Variants in KLRG1 observed in about 807,000 individuals in gnomAD.
KLRG1 encodes killer cell lectin like receptor G1, also known as killer cell lectin-like receptor subfamily G member 1.
A neutral mutation model predicts 21.8 loss-of-function variants in KLRG1; 16 were observed. The ratio of observed to expected loss-of-function variants is 0.73; its 90% CI spans 0.50 to 1.11. The LOEUF (loss-of-function observed/expected upper bound fraction) is 1.11. KLRG1 is among the 50% of genes most tolerant of loss of function. KLRG1 has a pLI of 0.00. For missense variants in KLRG1, 173 were observed against 218.3 expected (o/e 0.79, Z 1.31); for synonymous variants, 69 against 75.9 (o/e 0.91, Z 0.47).
At chr12:9,165,934 G>T in the KLRG1 span, 1 of 1,262,094 alleles carries the variant, frequency 7.9e-7, no homozygotes, top group South Asian at 1.5e-5. Flanking sequence ...CTATCCTAAA[G>T]AGGAAGAGGT....
At chr12:9,162,519 A>G in the KLRG1 span, 119 of 975,184 alleles carry the variant, frequency 1.2e-4, no homozygotes, top group Non-Finnish European at 1.8e-4. Flanking sequence ...GGGAGATAAA[A>G]TGAATGTGCA....
chr12:9,042,362 A>G, the KLRG1 span, among the ~76,000 whole-genome samples: 1 of 152,358 alleles, frequency 6.6e-6, no homozygotes, highest in East Asian at 1.9e-4. Context: ...AGAGCAAAAG[A>G]TCAAATTCAG....
intron 1 of KLRG1, among the ~76,000 whole-genome samples, chr12:8,960,936 G>C (rs954741637): frequency 5.3e-5 from 8 of 152,182 alleles, no homozygotes; most frequent in African/African-American, 1.9e-4. Flanking sequence ...AGATGGCAAA[G>C]AAGAGGAGAA....
At chr12:8,998,347 A>C (rs975607137) in intron 3 of KLRG1, among the ~76,000 whole-genome samples, 1 of 151,866 alleles carries the variant, frequency 6.6e-6, no homozygotes, top group Non-Finnish European at 1.5e-5. Flanking sequence ...AAATTCGGAG[A>C]ATTAATGAGT....
chr12:8,982,281 T>C (rs889520551), intron 1 of KLRG1, among the ~76,000 whole-genome samples: 3 of 152,214 alleles, frequency 2.0e-5, no homozygotes, highest in Admixed American at 6.5e-5. Flanking sequence ...GTTGGAATTA[T>C]ATACTTCAAA....
chr12:9,129,954 AAAC>A, the KLRG1 span, among the ~76,000 whole-genome samples: 1 of 152,220 alleles, frequency 6.6e-6, no homozygotes, highest in African/African-American at 2.4e-5. Context: ...TATAACTACT[AAAC>A]AACCTATTAA....
chr12:9,169,623 GTTACTT>G, the KLRG1 span: 1 of 1,529,718 alleles, frequency 6.5e-7, no homozygotes, highest in Non-Finnish European at 8.8e-7. Context: ...AGGCAGAACT[GTTACTT>G]ACTTTTCTTT....
chr12:8,967,820 G>A lies in KLRG1; in HGVS notation c.-156+17584G>A, dbSNP rs1042102998. On this transcript the variant is annotated intron_variant, in intron 1 of 4. Transcript: ENST00000539240. The stretch of plus-strand genomic sequence containing the variant: ...AAAACGGCCAGGGAAAGGGAGATGG[G>A]TATACTATTGTAAAGTTCACTTCAT... Among the ~76,000 whole-genome samples the A allele has an allele frequency of 3.9e-5, 6 of 152,082 alleles. No homozygotes were observed. The South Asian group carries it at 1.2e-3, about 32-fold the overall frequency.
At chr12:8,972,159 T>A (rs1331172715) in intron 1 of KLRG1, among the ~76,000 whole-genome samples, 1 of 151,972 alleles carries the variant, frequency 6.6e-6, no homozygotes, top group Non-Finnish European at 1.5e-5. Context: ...AAGTCTTTAA[T>A]CCATTTTTTC....
the KLRG1 span, chr12:9,110,215 A>G: frequency 1.7e-6 from 2 of 1,179,418 alleles, no homozygotes; most frequent in Non-Finnish European, 2.4e-6. Flanking sequence ...TTCTCCTTTA[A>G]TGACAAGTTT....
chr12:9,088,255 G>GTT, the KLRG1 span, among the ~76,000 whole-genome samples: 27 of 148,120 alleles, frequency 1.8e-4, no homozygotes, highest in Non-Finnish European at 1.4e-4. Context: ...GTGATGTTCT[G>GTT]TTTTTTTTTT....
At chr12:9,176,199 A>T in the KLRG1 span, among the ~76,000 whole-genome samples, 1 of 152,226 alleles carries the variant, frequency 6.6e-6, no homozygotes, top group Non-Finnish European at 1.5e-5. Flanking sequence ...CAGCAAGCTA[A>T]CACAGGAACA....
At chr12:8,953,833 C>T (rs2137193598) in intron 1 of KLRG1, among the ~76,000 whole-genome samples, 1 of 152,224 alleles carries the variant, frequency 6.6e-6, no homozygotes, top group South Asian at 2.1e-4. Context: ...GGAGCTGTTA[C>T]TTCTAGGGCT....
chr12:9,163,921 G>C, the KLRG1 span: 5 of 1,278,646 alleles, frequency 3.9e-6, no homozygotes, highest in African/African-American at 6.0e-5. Context: ...CAAGGTTAAT[G>C]TATACTAAGT....
At chr12:9,014,746 A>G (rs759655064), downstream of KLRG1, among the ~76,000 whole-genome samples, 57 of 152,248 alleles carry the variant, frequency 3.7e-4, no homozygotes, top group Non-Finnish European at 6.8e-4. Flanking sequence ...TAAACTACTC[A>G]TATCTTGAGT....
At chr12:9,091,751 C>G in the KLRG1 span, among the ~76,000 whole-genome samples, 1 of 152,172 alleles carries the variant, frequency 6.6e-6, no homozygotes, top group Admixed American at 6.5e-5. Flanking sequence ...TTAAATTCTA[C>G]TACTATTGTG....
chr12:9,182,145 T>TGGTCATAAGTGAGACAAAAC, the KLRG1 span: 1 of 1,607,508 alleles, frequency 6.2e-7, no homozygotes, highest in Non-Finnish European at 8.5e-7. Context: ...TGAGACAAAA[T>TGGTCATAAGTGAGACAAAAC]GGTCATAAGT....
chr12:9,051,773 C>T, the KLRG1 span, among the ~76,000 whole-genome samples: 1 of 152,242 alleles, frequency 6.6e-6, no homozygotes, highest in African/African-American at 2.4e-5. Flanking sequence ...GCCATCAACA[C>T]TGTCCTGACT....
chr12:9,136,498 A>C, the KLRG1 span, among the ~76,000 whole-genome samples: 1 of 152,190 alleles, frequency 6.6e-6, no homozygotes, highest in Non-Finnish European at 1.5e-5. Flanking sequence ...CATTTAAAAA[A>C]GGCAATATTC....
Sources: gnomAD v4.1 joint callset for allele counts (sites outside exome capture counted in the v4.1 genomes callset) on GRCh38, gnomAD v4.1.1 for gene constraint, MANE v1.5 for transcripts, NCBI Gene and HGNC (gene_info 2026-07-23, HGNC 2026-07-21) for gene names.